The following ELP5 variants were observed in gnomAD, a reference collection of about 807,000 sequenced individuals.
The protein encoded by ELP5 is elongator acetyltransferase complex subunit 5.
ELP5 carries 34 observed loss-of-function variants against 33.4 expected under a neutral mutation model. The observed-to-expected ratio is 1.02, with a 90% confidence interval of 0.78 to 1.36. The LOEUF is 1.36. ELP5 is among the 40% of genes most tolerant of loss of function. The pLI, the probability that ELP5 is intolerant of heterozygous loss-of-function variation, is 0.00. For missense variants in ELP5, 373 were observed against 371.7 expected (o/e 1.00, Z -0.03); for synonymous variants, 161 against 146.4 (o/e 1.10, Z -0.72).
rs751367704 is a variant in ELP5 at position 7,254,563 on chromosome 17, G to T, written c.189-20G>T. On this transcript the variant is annotated intron_variant, in intron 3 of 7. Coordinates refer to ENST00000396628, the MANE Select transcript of ELP5 (RefSeq NM_203414.3). ...GGGGGAAGGGGCAATATTATATTGT[G>T]TCTTATTTTCCCTTTGCAGGCTGGT... The T allele has an allele frequency of 1.3e-5, 20 of 1,584,330 alleles. No homozygotes were observed. The South Asian group carries it at 2.1e-4, about 17-fold the overall frequency.
chr17:7,257,892 A>C (rs905629895), intron 5 of ELP5, among the ~76,000 whole-genome samples: 1 of 152,072 alleles, frequency 6.6e-6, no homozygotes, highest in African/African-American at 2.4e-5. Flanking sequence ...ACATGGTGAA[A>C]TCTCATCTCT....
At chr17:7,253,094 G>A in intron 3 of ELP5, 96 bp downstream of exon 3, 1 of 1,177,708 alleles carries the variant, frequency 8.5e-7, no homozygotes, top group Non-Finnish European at 1.3e-6. Context: ...TGTAGTAGCA[G>A]TTCCTTAAAT....
intron 5 of ELP5, among the ~76,000 whole-genome samples, chr17:7,258,225 G>T (rs1335921341): frequency 6.6e-6 from 1 of 152,156 alleles, no homozygotes; most frequent in Non-Finnish European, 1.5e-5. Flanking sequence ...GAAGTGGGCA[G>T]ATCACCTGAG....
rs191678463 is a variant in ELP5, at chr17:7,257,984, C to T, written c.592-604C>T. 4.0e-3 allele frequency among the ~76,000 whole-genome samples: 611 copies of T among 152,128 alleles called. 2 individuals are homozygous for T. Among genetic ancestry groups the T allele is most frequent in the African/African-American group, 0.013 (534 of 41,490 alleles). On this transcript the variant is annotated intron_variant, in intron 5 of 7. Transcript: ENST00000396628. ...TCGGGAGGCTGAGGTGGGAGAATCA[C>T]TTGAACCTGGGAGGCGGAGGTTGAG...
At chr17:7,253,722 G>A (rs538609195) in intron 3 of ELP5, among the ~76,000 whole-genome samples, 3 of 152,290 alleles carry the variant, frequency 2.0e-5, no homozygotes, top group African/African-American at 7.2e-5. Flanking sequence ...ATGGCTGGGC[G>A]CGGTGGCTCA....
chr17:7,257,450 T>C (rs866398954), intron 5 of ELP5, among the ~76,000 whole-genome samples: 95 of 130,938 alleles, frequency 7.3e-4, no homozygotes, highest in Non-Finnish European at 1.3e-3. Flanking sequence ...TTTTTTTTTA[T>C]TGGACAAGGT....
intron 5 of ELP5, 123 bp from the exon 6 acceptor site, chr17:7,258,465 G>A: frequency 1.3e-6 from 1 of 748,016 alleles, no homozygotes; most frequent in Non-Finnish European, 2.1e-6. Flanking sequence ...AAAAAAAAAA[G>A]TTGAGGGCAG....
chr17:7,252,668 G>C, intron 1 of ELP5, 72 bp downstream of exon 1: 1 of 1,603,756 alleles, frequency 6.2e-7, no homozygotes. Flanking sequence ...GAAGTGGGCA[G>C]GAAGGGCCAG....
Position 7,257,999 on chromosome 17 carries a change from C to T in ELP5, c.592-589C>T, listed in dbSNP as rs908949691. On this transcript the variant is annotated intron_variant, in intron 5 of 7. Transcript: ENST00000396628. ...GGGAGAATCACTTGAACCTGGGAGG[C>T]GGAGGTTGAGGTGAGCCGAGATCAT... Among the ~76,000 whole-genome samples the T allele has an allele frequency of 1.6e-4, 24 of 151,594 alleles. 1 individual carries two copies. The highest frequency in any genetic ancestry group is 3.4e-3 in the Middle Eastern group (1 of 292).
In ELP5 at chr17:7,254,762, G is replaced by T. The variant is rs1329945939; in HGVS notation, c.368G>T (p.Cys123Phe). ...CTTCGCCTTCCCTGCACCACACTCTGCCAGGTCCTGCATGCTGTGAGCCAT... is the reference window on the plus strand; with the variant it reads ...CTTCGCCTTCCCTGCACCACACTCTTCCAGGTCCTGCATGCTGTGAGCCAT... The part of the protein sequence containing the change: ...LLLRLPCTTL[C>F]QVLHAVSHQD... Residue 123 changes from cysteine to phenylalanine, a missense_variant, in exon 4 of 8, where the codon TGC becomes TTC. Transcript: ENST00000396628. 1 of 1,614,058 alleles carries T rather than the reference G, an allele frequency of 6.2e-7. No homozygotes were observed. Among genetic ancestry groups the T allele is most frequent in the South Asian group, 1.1e-5 (1 of 91,080 alleles).
chr17:7,256,047 C>A (rs2072068082), intron 4 of ELP5, among the ~76,000 whole-genome samples: 1 of 148,642 alleles, frequency 6.7e-6, no homozygotes, highest in African/African-American at 2.5e-5. Context: ...CAGAGAAAGA[C>A]GTCATCTCAA....
chr17:7,255,047 A>G (rs1435302152), intron 4 of ELP5: 9 of 573,078 alleles, frequency 1.6e-5, no homozygotes, highest in Non-Finnish European at 2.8e-5. Flanking sequence ...TAACAAATCA[A>G]TAGTAAATAT....
Position 7,259,583 on chromosome 17 carries a change from C to T in ELP5, c.801C>T (p.Leu267=), listed in dbSNP as rs1342792670. 1.2e-6 allele frequency: 2 copies of T among 1,614,132 alleles called. No homozygotes were observed. Among genetic ancestry groups the T allele is most frequent in the Non-Finnish European group, 1.7e-6 (2 of 1,180,046 alleles). The change falls in exon 8 of 8, where the codon CTC becomes CTT. Residue 267 remains leucine (L), a synonymous_variant. Coordinates refer to ENST00000396628, the MANE Select transcript of ELP5 (RefSeq NM_203414.3). ...CTTCCCTTCTCAGACAGCAGGCTCT[C>T]CTGCGGCCTAGGCCAGGGCAGGCTA... is the stretch of plus-strand genomic sequence containing the variant. ...FQFSSEKQQA[L]LRPRPGQATS... is the part of the protein sequence containing the mutation.
At chr17:7,258,469 A>C in intron 5 of ELP5, 119 bp from the exon 6 acceptor site, 2 of 786,412 alleles carry the variant, frequency 2.5e-6, no homozygotes, top group Non-Finnish European at 4.0e-6. Context: ...AAAAAAGTTG[A>C]GGGCAGGAGC....
chr17:7,254,990 T>G, intron 4 of ELP5, 187 bp downstream of exon 4: 1 of 582,350 alleles, frequency 1.7e-6, no homozygotes, highest in Non-Finnish European at 3.0e-6. Context: ...TTGCTTTTTT[T>G]TCTCCAAGTT....
chr17:7,254,964 T>G, intron 4 of ELP5, 161 bp downstream of exon 4: 1 of 602,342 alleles, frequency 1.7e-6, no homozygotes, highest in East Asian at 2.9e-5. Flanking sequence ...TACTTCTCCT[T>G]AATGCCATCT....
In ELP5 at chr17:7,254,664, C is replaced by G. The variant is rs1259285271; in HGVS notation, c.270C>G (p.Ala90=). 30 of 1,614,020 alleles carry G rather than the reference C, an allele frequency of 1.9e-5. No individual in the cohort carries two copies. The highest frequency in any genetic ancestry group is 1.6e-4 in the Middle Eastern group (1 of 6,084). ...CCTTTCCTGGGGGGCCGCTGGGAGC[C>G]TTGAGAGCCATGTGCAAGAGGACAG... ...EEAFPGGPLG[A]LRAMCKRTDP... is the part of the protein sequence containing the mutation. The change falls in exon 4 of 8, where the codon GCC becomes GCG. Residue 90 remains alanine (A), a synonymous_variant. Coordinates refer to ENST00000396628, the MANE Select transcript of ELP5 (RefSeq NM_203414.3).
intron 5 of ELP5, 57 bp downstream of exon 5, chr17:7,257,095 G>A (rs1395859257): frequency 4.8e-6 from 7 of 1,468,386 alleles, no homozygotes; most frequent in East Asian, 4.8e-5. Flanking sequence ...GGGGTGGCAC[G>A]ATGGGAAGAA....
chr17:7,253,434 G>A (rs889812930), intron 3 of ELP5, among the ~76,000 whole-genome samples: 67 of 152,184 alleles, frequency 4.4e-4, no homozygotes, highest in Non-Finnish European at 8.8e-5. Context: ...AGTAGAGATG[G>A]AAAGTTTAGA....
Sources: gnomAD v4.1 joint callset for allele counts (sites outside exome capture counted in the v4.1 genomes callset) on GRCh38, gnomAD v4.1.1 for gene constraint, MANE v1.5 for transcripts, NCBI Gene and HGNC (gene_info 2026-07-23, HGNC 2026-07-21) for gene names.